Variants in SCN1A observed in about 807,000 individuals in gnomAD.
The protein encoded by SCN1A is sodium voltage-gated channel alpha subunit 1, also known as sodium channel protein type 1 subunit alpha.
Under a neutral mutation model 193.7 loss-of-function variants are expected in SCN1A, and 13 were observed. The ratio of observed to expected loss-of-function variants is 0.07; its 90% confidence interval spans 0.04 to 0.11. The LOEUF is 0.11. Among genes scored for constraint, SCN1A ranks in the 10% least tolerant of loss-of-function variants. The pLI is 1.00. For missense variants in SCN1A, 1,432 were observed against 2,451.1 expected, an observed-to-expected ratio of 0.58 and a Z score of 8.78; for synonymous variants, 781 against 843.6, an observed-to-expected ratio of 0.93 and a Z score of 1.29.
At chr2:166,016,101 A>T in intron 19 of SCN1A, 1 of 265,564 alleles carries the variant, frequency 3.8e-6, no homozygotes, top group Non-Finnish European at 7.3e-6. Flanking sequence ...AGAAGAAAAT[A>T]ATGTCGTTAG....
chr2:166,104,825 G>A (rs1330523607), intron 2 of SCN1A, among the ~76,000 whole-genome samples: 2 of 152,218 alleles, frequency 1.3e-5, no homozygotes, highest in African/African-American at 4.8e-5. Flanking sequence ...AGCCTTCACA[G>A]ACATTTGTCT....
At chr2:166,126,756 A>G (rs1691289773) in intron 2 of SCN1A, among the ~76,000 whole-genome samples, 168 bp downstream of exon 2, 2 of 152,218 alleles carry the variant, frequency 1.3e-5, no homozygotes, top group African/African-American at 4.8e-5. Context: ...ACATGCACAT[A>G]TTGACAGTAA....
chr2:166,005,680 A>G (rs1691558994), intron 23 of SCN1A, among the ~76,000 whole-genome samples: 1 of 151,386 alleles, frequency 6.6e-6, no homozygotes, highest in South Asian at 2.1e-4. Flanking sequence ...GTCTTTTCCC[A>G]AGAGTTCCAA....
chr2:166,127,889 T>G lies in SCN1A; in HGVS notation c.-347A>C, dbSNP rs1180953814. 6.6e-6 allele frequency: 1 copy of G among 151,968 alleles called. No individual in the cohort carries two copies. 9.4% of individuals were successfully genotyped at this position (151,968 alleles called of 1,614,324 possible). On this transcript the variant is annotated 5_prime_UTR_variant, in exon 1 of 29. Transcript: ENST00000674923. ...TTCCTTCTTGCAAAAGGTGTCAAAG[T>G]ATTTACAAGGGCTGCAGTCTCACTG...
intron 1 of SCN1A, among the ~76,000 whole-genome samples, chr2:166,145,528 T>TTGTG (rs10659996): frequency 0.29 from 43,627 of 150,298 alleles, 6,494 homozygotes; most frequent in African/African-American, 0.38. Context: ...GGAGAAAAAT[T>TTGTG]TGTGTGTGTG....
chr2:166,002,450 A>G (rs770920089), intron 24 of SCN1A, 22 bp downstream of exon 24: 1 of 1,600,744 alleles, frequency 6.2e-7, no homozygotes, highest in South Asian at 1.1e-5. Flanking sequence ...AAAAATATTC[A>G]GAGAAAATAG....
At chr2:166,139,913 A>G (rs1427513122) in intron 1 of SCN1A, among the ~76,000 whole-genome samples, 1 of 152,196 alleles carries the variant, frequency 6.6e-6, no homozygotes, top group Non-Finnish European at 1.5e-5. Context: ...GAGACTCAGG[A>G]ATAAACATAT....
At chr2:166,047,027 T>C (rs1323377231) in intron 11 of SCN1A, 51 bp from the exon 12 acceptor site, 1 of 1,594,444 alleles carries the variant, frequency 6.3e-7, no homozygotes. Flanking sequence ...CACTAAGTGG[T>C]GGCTTCAACT....
chr2:165,996,991 T>C (rs1690163233), intron 26 of SCN1A, among the ~76,000 whole-genome samples: 1 of 151,406 alleles, frequency 6.6e-6, no homozygotes, highest in Admixed American at 6.6e-5. Context: ...CTATTAAATA[T>C]CAAATATTCA....
intron 2 of SCN1A, among the ~76,000 whole-genome samples, chr2:166,086,690 A>G (rs1686157737): frequency 1.3e-5 from 2 of 152,142 alleles, no homozygotes; most frequent in Admixed American, 1.3e-4. Flanking sequence ...TCCTTTCCAA[A>G]TTTATGAACC....
At chr2:166,015,890 T>C (rs1693229093) in intron 19 of SCN1A, 163 bp from the exon 20 acceptor site, 1 of 713,670 alleles carries the variant, frequency 1.4e-6, no homozygotes, top group Non-Finnish European at 2.3e-6. Context: ...AAGAAAATCA[T>C]TGTCTGTGCT....
At chr2:166,014,708 A>T (rs1239546815) in intron 20 of SCN1A, among the ~76,000 whole-genome samples, 1 of 150,764 alleles carries the variant, frequency 6.6e-6, no homozygotes, top group Non-Finnish European at 1.5e-5. Context: ...AATGGAGAAA[A>T]GGAGGAAGAA....
chr2:166,046,410 A>G (rs915990563), intron 12 of SCN1A, among the ~76,000 whole-genome samples: 2 of 152,148 alleles, frequency 1.3e-5, no homozygotes, highest in African/African-American at 4.8e-5. Context: ...GAACTAGAGG[A>G]GCAACTCTTC....
At chr2:166,147,574 ATTTTTT>A (rs1269794901) in intron 1 of SCN1A, among the ~76,000 whole-genome samples, 1 of 152,286 alleles carries the variant, frequency 6.6e-6, no homozygotes, top group East Asian at 1.9e-4. Context: ...TGTATCCATC[ATTTTTT>A]AACTTATGAG....
intron 23 of SCN1A, among the ~76,000 whole-genome samples, chr2:166,006,015 C>T (rs1181021958): frequency 6.6e-6 from 1 of 151,132 alleles, no homozygotes; most frequent in South Asian, 2.1e-4. Flanking sequence ...TAAGTCTACA[C>T]TAAATGAAGG....
chr2:166,028,810 CTT>C (rs1480945258), intron 19 of SCN1A, among the ~76,000 whole-genome samples: 1 of 152,104 alleles, frequency 6.6e-6, no homozygotes, highest in Non-Finnish European at 1.5e-5. Flanking sequence ...ACATAATAGA[CTT>C]AGTATCTGCC....
chr2:166,112,476 CT>C (rs1689399311), intron 2 of SCN1A, among the ~76,000 whole-genome samples: 1 of 152,110 alleles, frequency 6.6e-6, no homozygotes, highest in South Asian at 2.1e-4. Flanking sequence ...AATCAAAACA[CT>C]TGTGTGACTC....
chr2:165,995,938 A>G, intron 27 of SCN1A, 75 bp downstream of exon 27: 6 of 976,194 alleles, frequency 6.1e-6, no homozygotes, highest in South Asian at 2.7e-5. Context: ...AATGTTAGCT[A>G]CTTTCTTTTT....
intron 1 of SCN1A, among the ~76,000 whole-genome samples, chr2:166,144,691 G>A (rs1692232553): frequency 6.6e-6 from 1 of 152,090 alleles, no homozygotes; most frequent in Non-Finnish European, 1.5e-5. Flanking sequence ...ACTTACCAAT[G>A]TGTTCAAACT....
Sources: gnomAD v4.1 joint callset for allele counts (sites outside exome capture counted in the v4.1 genomes callset) on GRCh38, gnomAD v4.1.1 for gene constraint, MANE v1.5 for transcripts, NCBI Gene and HGNC (gene_info 2026-07-23, HGNC 2026-07-21) for gene names.